The following PLG variants were observed in gnomAD, a reference collection of about 807,000 sequenced individuals.
The protein encoded by PLG is plasmin.
Under a neutral mutation model 104.4 loss-of-function variants are expected in PLG, and 41 were observed. The ratio of observed to expected loss-of-function variants is 0.39; its 90% CI spans 0.31 to 0.51. PLG has a LOEUF of 0.51. PLG is among the 20% of genes least tolerant of loss of function. The pLI is 0.76. For missense variants in PLG, 891 were observed against 1,003.6 expected, an observed-to-expected ratio of 0.89 and a Z score of 1.52; for synonymous variants, 337 against 357.1, an observed-to-expected ratio of 0.94 and a Z score of 0.63.
Position 160,753,616 on chromosome 6 carries a change from C to T in PLG, c.*555C>T, listed in dbSNP as rs1337498918. ...TGTCACCGACTGCTTGACTTGAGCC[C>T]AGGGGACACGGAGCAGAGAGCTGTA... On this transcript the variant is annotated 3_prime_UTR_variant, in exon 19 of 19. Coordinates refer to ENST00000308192, the MANE Select transcript of PLG (RefSeq NM_000301.5). This position sits in a 1 kb window ranked among gnomAD's most constrained non-coding sequence, Gnocchi z 5.4. Among the ~76,000 whole-genome samples the T allele has an allele frequency of 6.6e-6, 1 of 151,998 alleles. No individual in the cohort carries two copies. The highest frequency in any genetic ancestry group is 1.5e-5 in the Non-Finnish European group (1 of 68,030).
chr6:160,721,822 AG>A (rs2115166505), intron 9 of PLG, among the ~76,000 whole-genome samples: 1 of 152,318 alleles, frequency 6.6e-6, no homozygotes, highest in East Asian at 1.9e-4. Context: ...AAAGAGTAGT[AG>A]GCTTCTGCTT....
At chr6:160,733,844 CAGAAAAAAAA>C (rs1481216696) in intron 12 of PLG, 141 bp from the exon 13 acceptor site, 84 of 373,248 alleles carry the variant, frequency 2.3e-4, no homozygotes, top group Non-Finnish European at 3.9e-4. Context: ...AACTCCACCT[CAGAAAAAAAA>C]AAAAAAAAAA....
intron 8 of PLG, 97 bp downstream of exon 8, chr6:160,718,553 T>C (rs1164527774): frequency 1.5e-6 from 2 of 1,363,350 alleles, no homozygotes; most frequent in African/African-American, 2.9e-5. Context: ...GATAAAGTAT[T>C]CTGGAAGAAA....
chr6:160,747,174 G>C (rs1047329153), intron 17 of PLG, among the ~76,000 whole-genome samples: 1 of 152,252 alleles, frequency 6.6e-6, no homozygotes, highest in Non-Finnish European at 1.5e-5. Flanking sequence ...GTGTTAAACA[G>C]GGGACCTACA....
chr6:160,713,509 T>C (rs1777680639), intron 5 of PLG: 2 of 242,218 alleles, frequency 8.3e-6, no homozygotes, highest in South Asian at 5.3e-5. Flanking sequence ...CCTCAGGTGA[T>C]CCGCCTGCCT....
chr6:160,704,782 C>T (rs768549078), intron 1 of PLG, among the ~76,000 whole-genome samples: 21 of 152,088 alleles, frequency 1.4e-4, no homozygotes, highest in Non-Finnish European at 2.1e-4. Flanking sequence ...GGACTTTGGC[C>T]GAGGACTTTG....
rs568035534 is a variant in PLG, at chr6:160,744,835, A to G, written c.2125+3418A>G. Among the ~76,000 whole-genome samples, 1 of 152,328 alleles carries G rather than the reference A, an allele frequency of 6.6e-6. No homozygotes were observed. Among genetic ancestry groups the G allele is most frequent in the South Asian group, 2.1e-4 (1 of 4,826 alleles). On this transcript the variant is annotated intron_variant, in intron 17 of 18. Transcript: ENST00000308192. The surrounding 1 kb of genome is among the most constrained non-coding windows in gnomAD (Gnocchi z 4.5). ...CTTAACACTACCTTAGCTCTGTCCA[A>G]GAGATTCTGGTATGTTGTATCTTTA...
chr6:160,731,034 T>C lies in PLG; in HGVS notation c.1257-17T>C, dbSNP rs1777990861. 1 of 1,613,102 alleles carries C rather than the reference T, an allele frequency of 6.2e-7. No individual in the cohort carries two copies. On this transcript the variant is annotated splice_polypyrimidine_tract_variant and intron_variant, in intron 10 of 18. Transcript: ENST00000308192. The surrounding 1 kb of genome is among the most constrained non-coding windows in gnomAD (Gnocchi z 5.1). ...TTCTCCCACCTCTTGTGACCTGTAT[T>C]GTTTTGGAATTTCCAGTGGCCTGAC...
chr6:160,730,806 T>G (rs116189457), intron 10 of PLG: 141 of 418,118 alleles, frequency 3.4e-4, no homozygotes, highest in African/African-American at 2.5e-3. Context: ...ATGTATGATC[T>G]GAGTTTTTAT....
At chr6:160,747,182 A>G (rs1778291000) in intron 17 of PLG, among the ~76,000 whole-genome samples, 1 of 152,258 alleles carries the variant, frequency 6.6e-6, no homozygotes, top group Non-Finnish European at 1.5e-5. Context: ...CAGGGGACCT[A>G]CAACTGGGGG....
chr6:160,739,035 A>T lies in PLG; in HGVS notation c.1878-33A>T. The T allele has an allele frequency of 6.2e-7, 1 of 1,613,678 alleles. No homozygotes were observed. The highest frequency in any genetic ancestry group is 8.5e-7 in the Non-Finnish European group (1 of 1,179,656). Reference sequence around the variant, plus strand: ...AGAGGTTACCTGAAGGGGCTGGACCATATTTTCCTCTTGACGTCCTCATCT... The same window carrying T: ...AGAGGTTACCTGAAGGGGCTGGACCTTATTTTCCTCTTGACGTCCTCATCT... On this transcript the variant is annotated intron_variant, in intron 15 of 18. Transcript: ENST00000308192. The surrounding 1 kb of genome is among the most constrained non-coding windows in gnomAD (Gnocchi z 4.4).
chr6:160,712,868 G>A, intron 4 of PLG, 118 bp from the exon 5 acceptor site: 3 of 811,422 alleles, frequency 3.7e-6, no homozygotes, highest in Admixed American at 1.7e-5. Flanking sequence ...GCAGCACCCA[G>A]CTGAAATGCA....
At position 160,707,788 on chromosome 6, in the gene PLG, G is replaced by C. The variant is rs1777557121; in HGVS notation, c.274G>C (p.Val92Leu). ...CATAATCATTAGGATGAGAGATGTA[G>C]TTTTATTTGAAAAGAAAGGTGAGTA... ...SSIIIRMRDVVLFEKKVYLSE... is the reference protein window; with the variant it reads ...SSIIIRMRDVLLFEKKVYLSE... Residue 92 changes from valine (V) to leucine (L), a missense_variant, in exon 3 of 19, where the codon GTT (valine) becomes CTT (leucine). Val to Leu is a conservative substitution (Grantham distance 32, BLOSUM62 1). Coordinates refer to ENST00000308192, the MANE Select transcript of PLG (RefSeq NM_000301.5). 2.5e-6 allele frequency: 4 copies of C among 1,611,326 alleles called. No individual in the cohort carries two copies. The highest frequency in any genetic ancestry group is 2.7e-5 in the African/African-American group (2 of 74,942).
intron 3 of PLG, among the ~76,000 whole-genome samples, chr6:160,709,416 T>G (rs895345981): frequency 3.3e-5 from 5 of 152,224 alleles, no homozygotes; most frequent in Non-Finnish European, 7.3e-5. Context: ...ACTTCCCTGT[T>G]TAAAGCCCTT....
chr6:160,715,548 C>T (rs1031966409), intron 6 of PLG, among the ~76,000 whole-genome samples: 2 of 152,202 alleles, frequency 1.3e-5, no homozygotes, highest in Non-Finnish European at 2.9e-5. Context: ...AATAAGGTTT[C>T]GTGAGTATTC....
chr6:160,706,476 A>T lies in PLG; in HGVS notation c.119A>T (p.Gln40Leu), dbSNP rs1298822690. 6.2e-7 allele frequency: 1 copy of T among 1,613,770 alleles called. No homozygotes were observed. Among genetic ancestry groups the T allele is most frequent in the Non-Finnish European group, 8.5e-7 (1 of 1,179,792 alleles). The change falls in exon 2 of 19, where the codon CAG becomes CTG. Residue 40 changes from glutamine to leucine, a missense_variant. By Grantham distance (113) the Gln-to-Leu change is moderately radical. This residue lies in a region of PLG where 854 missense variants were observed against 932.1 expected (regional missense o/e 0.92). Transcript: ENST00000308192. ...TCACTGTTCAGTGTCACTAAGAAGC[A>T]GCTGGGAGCAGGAAGTATAGAAGAA... ...GASLFSVTKK[Q>L]LGAGSIEECA...
rs1276520629 is a variant in PLG at position 160,752,818 on chromosome 6, T to C, written c.2272-82T>C. 22 of 1,454,632 alleles carry C rather than the reference T, an allele frequency of 1.5e-5. 1 individual carries two copies. Among genetic ancestry groups the C allele is most frequent in the Middle Eastern group, 3.5e-4 (2 of 5,788 alleles). The allele number at this position is 1,454,632 out of a possible 1,614,324, so 90.1% of individuals were successfully genotyped here. On this transcript the variant is annotated intron_variant, in intron 18 of 18. Transcript: ENST00000308192. This position sits in a 1 kb window ranked among gnomAD's most constrained non-coding sequence, Gnocchi z 4.7. ...ATTTCAATTACTGGGAAAATGTATA[T>C]ATGGATAGTAGAAGGATGGCATCCC...
chr6:160,705,621 T>A (rs1477858602), intron 1 of PLG: 1 of 152,168 alleles, frequency 6.6e-6, no homozygotes, highest in African/African-American at 2.4e-5. Context: ...CATAATTTAG[T>A]TCAGTTCTTG....
At chr6:160,707,338 T>A (rs1372072256) in intron 2 of PLG, among the ~76,000 whole-genome samples, 1 of 152,010 alleles carries the variant, frequency 6.6e-6, no homozygotes, top group Non-Finnish European at 1.5e-5. Flanking sequence ...TGATCAGAGT[T>A]GGGAGGTCAT....
Sources: gnomAD v4.1 joint callset for allele counts (sites outside exome capture counted in the v4.1 genomes callset) on GRCh38, gnomAD v4.1.1 for gene constraint, gnomAD v4.1.1 regional missense constraint, Gnocchi (gnomAD v3.1) non-coding constraint, MANE v1.5 for transcripts, NCBI Gene and HGNC (gene_info 2026-07-23, HGNC 2026-07-21) for gene names.